PRKAR1B: variants seen among roughly 807,000 people sequenced by gnomAD.
PRKAR1B encodes cAMP-dependent protein kinase type I-beta regulatory subunit.
PRKAR1B carries 22 observed loss-of-function variants against 46.5 expected under a neutral mutation model. That is an observed-to-expected ratio of 0.47 (90% CI 0.34 to 0.68). The LOEUF (loss-of-function observed/expected upper bound fraction) is 0.68. PRKAR1B is among the 30% of genes least tolerant of loss of function. PRKAR1B has a pLI of 0.01. For synonymous variants in PRKAR1B, 259 were observed against 217.7 expected, an observed-to-expected ratio of 1.19 and a Z score of -1.67; for missense variants, 445 against 535.6, an observed-to-expected ratio of 0.83 and a Z score of 1.67.
At chr7:622,482 G>A (rs907005791) in intron 4 of PRKAR1B, among the ~76,000 whole-genome samples, 1 of 152,200 alleles carries the variant, frequency 6.6e-6, no homozygotes, top group Non-Finnish European at 1.5e-5. Context: ...AATGTGCTAG[G>A]ATCGTATCCA....
Position 569,489 on chromosome 7 carries a change from G to A in PRKAR1B, c.891+9767C>T, listed in dbSNP as rs145269081. Reference sequence around the variant, plus strand: ...CTCACTGGGAGAGGGCAGCCGTGACGTGCCCGGGACACAGCCCGTTGTGCC... The same window carrying A: ...CTCACTGGGAGAGGGCAGCCGTGACATGCCCGGGACACAGCCCGTTGTGCC... On this transcript the variant is annotated intron_variant, in intron 9 of 10. Coordinates refer to ENST00000537384, the MANE Select transcript of PRKAR1B (RefSeq NM_001164760.2). Among the ~76,000 whole-genome samples, 189 of 152,368 alleles carry A rather than the reference G, an allele frequency of 1.2e-3. 1 individual carries two copies. The highest frequency in any genetic ancestry group is 4.1e-3 in the African/African-American group (171 of 41,584).
At chr7:728,217 G>T (rs1018698487), upstream of PRKAR1B, among the ~76,000 whole-genome samples, 2 of 152,142 alleles carry the variant, frequency 1.3e-5, no homozygotes, top group African/African-American at 2.4e-5. Flanking sequence ...GATGTGGAAT[G>T]ATAGCAGGCG....
chr7:697,508 G>T (rs1779808028), intron 2 of PRKAR1B, among the ~76,000 whole-genome samples: 1 of 152,156 alleles, frequency 6.6e-6, no homozygotes, highest in African/African-American at 2.4e-5. Context: ...TGCCGGGCAG[G>T]CATGAGTGGT....
At chr7:640,111 C>A (rs1002671977) in intron 4 of PRKAR1B, among the ~76,000 whole-genome samples, 7 of 147,636 alleles carry the variant, frequency 4.7e-5, no homozygotes, top group African/African-American at 1.8e-4. Flanking sequence ...TGCAGTGAGC[C>A]GAGATCGTAC....
intron 4 of PRKAR1B, among the ~76,000 whole-genome samples, chr7:622,241 C>A (rs528464335): frequency 1.3e-5 from 2 of 152,328 alleles, no homozygotes; most frequent in Admixed American, 6.5e-5. Context: ...CAAAGCTGCA[C>A]CTCAGACCCG....
chr7:614,019 T>A (rs1230410435), intron 4 of PRKAR1B, among the ~76,000 whole-genome samples: 1 of 152,140 alleles, frequency 6.6e-6, no homozygotes, highest in African/African-American at 2.4e-5. Context: ...AACCGGACTG[T>A]GAGGTTCAGG....
chr7:567,893 T>G (rs1779274943), intron 9 of PRKAR1B, among the ~76,000 whole-genome samples: 1 of 149,670 alleles, frequency 6.7e-6, no homozygotes, highest in East Asian at 2.0e-4. Context: ...GGGTGGGGAG[T>G]GTGTGTTTGG....
chr7:558,301 G>A (rs1778572942), intron 9 of PRKAR1B, among the ~76,000 whole-genome samples: 1 of 148,086 alleles, frequency 6.8e-6, no homozygotes, highest in African/African-American at 2.5e-5. Context: ...ACTCCAGCCT[G>A]GGTGACAGAG....
intron 1 of PRKAR1B, among the ~76,000 whole-genome samples, chr7:711,732 C>CAGGGGTGGAGGGGGCTCA (rs1780642296): frequency 6.6e-6 from 1 of 151,278 alleles, no homozygotes; most frequent in East Asian, 2.0e-4. Context: ...CACAGACCCC[C>CAGGGGTGGAGGGGGCTCA]GGCAGGGGTG....
chr7:679,591 AAT>A (rs1225814707), intron 3 of PRKAR1B, among the ~76,000 whole-genome samples: 15 of 152,318 alleles, frequency 9.8e-5, no homozygotes, highest in African/African-American at 3.6e-4. Context: ...GTGTTTAGGG[AAT>A]AGAGTCTCAG....
chr7:573,151 A>G (rs150386005), intron 9 of PRKAR1B, among the ~76,000 whole-genome samples: 12,715 of 152,266 alleles, frequency 0.084, 597 homozygotes, highest in East Asian at 0.11. Flanking sequence ...CCCCGGGGTC[A>G]CACTGACTTA....
intron 4 of PRKAR1B, among the ~76,000 whole-genome samples, chr7:654,108 CTCACCATCTTCA>C (rs1281845229): frequency 1.3e-5 from 2 of 149,436 alleles, no homozygotes. Flanking sequence ...CACCATCCTC[CTCACCATCTTCA>C]TCACCATCAC....
rs570860344 is a variant in PRKAR1B at position 586,135 on chromosome 7, C to T, written c.709-1567G>A. Among the ~76,000 whole-genome samples the T allele has an allele frequency of 2.1e-4, 32 of 152,250 alleles. No homozygotes were observed. In the South Asian group the frequency reaches 5.2e-3, roughly 25 times the overall value. On this transcript the variant is annotated intron_variant, in intron 7 of 10. Coordinates refer to ENST00000537384, the MANE Select transcript of PRKAR1B (RefSeq NM_001164760.2). Reference sequence around the variant, plus strand: ...GCATCAGTAAGAGAAAGCTGGTTCTCGGGCCCCATGGAACAACACACCCAC... The same window carrying T: ...GCATCAGTAAGAGAAAGCTGGTTCTTGGGCCCCATGGAACAACACACCCAC...
intron 4 of PRKAR1B, among the ~76,000 whole-genome samples, chr7:663,974 T>C (rs1469230883): frequency 6.6e-6 from 1 of 152,142 alleles, no homozygotes; most frequent in African/African-American, 2.4e-5. Flanking sequence ...CCCCCCGCTG[T>C]CTCTGAGCCT....
chr7:615,857 A>AAGGAAGAAAGGGAGGG (rs1384770469), intron 4 of PRKAR1B, among the ~76,000 whole-genome samples: 1 of 150,422 alleles, frequency 6.6e-6, no homozygotes, highest in Non-Finnish European at 1.5e-5. Flanking sequence ...GCAAGAAAGG[A>AAGGAAGAAAGGGAGGG]AGGAAGAAAG....
At chr7:613,092 A>C (rs1374158751) in intron 4 of PRKAR1B, among the ~76,000 whole-genome samples, 1 of 152,206 alleles carries the variant, frequency 6.6e-6, no homozygotes, top group East Asian at 1.9e-4. Flanking sequence ...TTGCCAGTGA[A>C]AATAGGGTGT....
intron 7 of PRKAR1B, among the ~76,000 whole-genome samples, chr7:585,309 C>G (rs1290769402): frequency 6.6e-6 from 1 of 152,176 alleles, no homozygotes. Flanking sequence ...CAGCCTGGGT[C>G]TCAGCCCCTC....
intron 10 of PRKAR1B, 88 bp downstream of exon 10, chr7:551,301 C>T (rs1784176271): frequency 7.7e-7 from 1 of 1,303,950 alleles, no homozygotes; most frequent in Non-Finnish European, 1.1e-6. Flanking sequence ...GGGAAGCCCC[C>T]CAGCAGCTCC....
At chr7:625,708 T>A (rs541700077) in intron 4 of PRKAR1B, among the ~76,000 whole-genome samples, 2 of 151,888 alleles carry the variant, frequency 1.3e-5, no homozygotes, top group South Asian at 4.2e-4. Context: ...AAAATAATAT[T>A]ATGAAAAACT....
Sources: gnomAD v4.1 joint callset for allele counts (sites outside exome capture counted in the v4.1 genomes callset) on GRCh38, gnomAD v4.1.1 for gene constraint, MANE v1.5 for transcripts, NCBI Gene and HGNC (gene_info 2026-07-23, HGNC 2026-07-21) for gene names.